DNAAF9: variants seen among roughly 807,000 people sequenced by gnomAD.
DNAAF9 encodes dynein axonemal assembly factor 9, also known as shulin.
DNAAF9 carries 90 observed loss-of-function variants against 167.0 expected under a neutral mutation model. The observed-to-expected ratio is 0.54, with a 90% CI of 0.45 to 0.64. The LOEUF (loss-of-function observed/expected upper bound fraction) is 0.64. Ranked by LOEUF, DNAAF9 falls within the 30% of genes least tolerant of loss-of-function variation. DNAAF9 has a pLI of 0.00. For missense variants in DNAAF9, 1,315 were observed against 1,442.2 expected, an observed-to-expected ratio of 0.91 and a Z score of 1.43; for synonymous variants, 491 against 508.8, an observed-to-expected ratio of 0.96 and a Z score of 0.47.
Position 3,394,942 on chromosome 20 carries a change from C to CTTTTTTTTT in DNAAF9, c.84-12437_84-12436insAAAAAAAAA, listed in dbSNP as rs1258382355. Reference sequence around the variant, plus strand: ...TTCCATGGCTTTTACTGAACATTTTCTTTTTTCTTTTTTTTTTTTTTTTTT... The same window carrying CTTTTTTTTT: ...TTCCATGGCTTTTACTGAACATTTTCTTTTTTTTTTTTTTTCTTTTTTTTTTTTTTTTTT... On this transcript the variant is annotated intron_variant, in intron 1 of 36. Transcript: ENST00000252032. Among the ~76,000 whole-genome samples, 70 of 89,036 alleles carry CTTTTTTTTT rather than the reference C, an allele frequency of 7.9e-4. 13 individuals carry two copies. The highest frequency in any genetic ancestry group is 1.1e-3 in the Non-Finnish European group (49 of 42,870). 58.4% of individuals were successfully genotyped at this position (89,036 alleles called of 152,430 possible). A position where few individuals can be genotyped will look rare whatever the true frequency, so the allele number is the denominator to read the frequency against.
chr20:3,316,224 A>T (rs934658901), intron 18 of DNAAF9: 1 of 195,662 alleles, frequency 5.1e-6, no homozygotes, highest in African/African-American at 2.3e-5. Context: ...GACTCAGCCC[A>T]TTAGCAGACT....
At chr20:3,378,440 T>C (rs540449332) in intron 3 of DNAAF9, among the ~76,000 whole-genome samples, 7 of 152,324 alleles carry the variant, frequency 4.6e-5, no homozygotes, top group East Asian at 3.9e-4. Flanking sequence ...ATTTAAGGAA[T>C]AGTCTTCAAT....
chr20:3,259,307 G>A (rs999701341), intron 33 of DNAAF9, among the ~76,000 whole-genome samples, 173 bp downstream of exon 33: 4 of 152,240 alleles, frequency 2.6e-5, no homozygotes, highest in Non-Finnish European at 5.9e-5. Context: ...GTAGGCCCTT[G>A]GCGGAGAGGG....
At chr20:3,344,006 G>GA (rs935592051) in intron 8 of DNAAF9, among the ~76,000 whole-genome samples, 13 of 151,228 alleles carry the variant, frequency 8.6e-5, no homozygotes, top group African/African-American at 3.2e-4. Context: ...TACCAAAAAA[G>GA]AAAAAAAGAC....
At chr20:3,340,433 T>TGGGGGGGGGGGGG in intron 10 of DNAAF9, 71 bp downstream of exon 10, 1 of 221,214 alleles carries the variant, frequency 4.5e-6, no homozygotes, top group Non-Finnish European at 9.5e-6. Context: ...TTTGTCTAGC[T>TGGGGGGGGGGGGG]CCCCCCACCC....
chr20:3,296,745 G>A, intron 23 of DNAAF9, 116 bp downstream of exon 23: 2 of 711,214 alleles, frequency 2.8e-6, no homozygotes, highest in Non-Finnish European at 2.5e-6. Context: ...TGAAATGTCT[G>A]TGTTGACCCT....
At chr20:3,267,422 A>G (rs577536106) in intron 30 of DNAAF9, among the ~76,000 whole-genome samples, 70 of 152,266 alleles carry the variant, frequency 4.6e-4, no homozygotes, top group Non-Finnish European at 6.8e-4. Flanking sequence ...GAGTCCTGGT[A>G]CCTTGTAGTG....
chr20:3,394,949 CTTTTTTT>C (rs10522445), intron 1 of DNAAF9, among the ~76,000 whole-genome samples: 2 of 102,136 alleles, frequency 2.0e-5, no homozygotes, highest in Admixed American at 1.2e-4. Flanking sequence ...TTTCTTTTTT[CTTTTTTT>C]TTTTTTTTTT....
chr20:3,315,116 T>TC lies in DNAAF9; in HGVS notation c.1594dup (p.Asp532GlyfsTer2). ...TAGATAAGTGCCCAGGAAAGACTCA[T>TC]CCCCCTTTAAAAACAACAACAAAAA... On this transcript the variant is annotated frameshift_variant, in exon 20 of 37. Coordinates refer to ENST00000252032, the MANE Select transcript of DNAAF9 (RefSeq NM_001009984.3). LOFTEE classifies it high-confidence loss of function. This position sits in a 1 kb window ranked among gnomAD's most constrained non-coding sequence, Gnocchi z 4.1. 6.3e-7 allele frequency: 1 copy of TC among 1,595,576 alleles called. No individual in the cohort carries two copies. The highest frequency in any genetic ancestry group is 8.6e-7 in the Non-Finnish European group (1 of 1,163,694).
At chr20:3,358,688 C>T (rs544327697) in intron 7 of DNAAF9, among the ~76,000 whole-genome samples, 1 of 152,302 alleles carries the variant, frequency 6.6e-6, no homozygotes, top group South Asian at 2.1e-4. Flanking sequence ...ATTTTCTCAG[C>T]ATGCCCACTC....
intron 24 of DNAAF9, 37 bp from the exon 25 acceptor site, chr20:3,294,293 C>A: frequency 7.4e-7 from 1 of 1,358,912 alleles, no homozygotes; most frequent in Non-Finnish European, 1.1e-6. Context: ...TGTTACCATC[C>A]TAGCCTGTCC....
At chr20:3,395,494 T>A (rs2083894911) in intron 1 of DNAAF9, among the ~76,000 whole-genome samples, 1 of 152,034 alleles carries the variant, frequency 6.6e-6, no homozygotes, top group African/African-American at 2.4e-5. Flanking sequence ...TTGGCCAGCC[T>A]GCTTTTGAAC....
rs550946571 is a variant in DNAAF9 at position 3,291,589 on chromosome 20, T to C, written c.2239-1372A>G. On this transcript the variant is annotated intron_variant, in intron 25 of 36. Transcript: ENST00000252032. ...CAATCTCTTGACCTCGTGATCCACC[T>C]GCCTCAGCTTCCCAAAGTGCTGGGA... Among the ~76,000 whole-genome samples, 414 of 151,930 alleles carry C rather than the reference T, an allele frequency of 2.7e-3. 3 individuals carry two copies. Among genetic ancestry groups the C allele is most frequent in the African/African-American group, 9.5e-3 (392 of 41,444 alleles).
chr20:3,394,070 GCT>G (rs2083866028), intron 1 of DNAAF9, among the ~76,000 whole-genome samples: 1 of 152,112 alleles, frequency 6.6e-6, no homozygotes, highest in East Asian at 1.9e-4. Flanking sequence ...GGGTGCAGTG[GCT>G]CCCGCCTGTA....
intron 9 of DNAAF9, among the ~76,000 whole-genome samples, chr20:3,342,735 T>C (rs1393369662): frequency 1.3e-5 from 2 of 152,202 alleles, no homozygotes; most frequent in East Asian, 1.9e-4. Flanking sequence ...CCAGGGTACT[T>C]TGTTTCACTA....
At chr20:3,329,526 C>T (rs895801396) in intron 12 of DNAAF9, among the ~76,000 whole-genome samples, 3 of 152,156 alleles carry the variant, frequency 2.0e-5, no homozygotes, top group Non-Finnish European at 2.9e-5. Flanking sequence ...ATCTTAATTT[C>T]GTTTCTCTAA....
chr20:3,275,000 A>G (rs2068654723), intron 29 of DNAAF9, among the ~76,000 whole-genome samples: 1 of 152,168 alleles, frequency 6.6e-6, no homozygotes, highest in African/African-American at 2.4e-5. Context: ...TCTGCAGTGC[A>G]CTCTGGAGGC....
At chr20:3,291,945 G>T (rs574249709) in intron 25 of DNAAF9, among the ~76,000 whole-genome samples, 1 of 151,206 alleles carries the variant, frequency 6.6e-6, no homozygotes. Flanking sequence ...CCCTCAAATC[G>T]CAGCACATGT....
Position 3,340,600 on chromosome 20 carries a change from G to T in DNAAF9, c.885C>A (p.Ser295=). The change falls in exon 10 of 37, where the codon TCC becomes TCA. Residue 295 remains serine, a synonymous_variant. Coordinates refer to ENST00000252032, the MANE Select transcript of DNAAF9 (RefSeq NM_001009984.3). The part of the protein sequence containing the change: ...RQPFVLFGNH[S]TRENLNAGNF... ...TGCCAGCATTCAGGTTTTCTCGTGT[G>T]GAGTGATTACCAAAGAGAACAAATG... The T allele has an allele frequency of 6.2e-7, 1 of 1,613,746 alleles. No homozygotes were observed. The highest frequency in any genetic ancestry group is 8.5e-7 in the Non-Finnish European group (1 of 1,179,702).
Sources: gnomAD v4.1 joint callset for allele counts (sites outside exome capture counted in the v4.1 genomes callset) on GRCh38, gnomAD v4.1.1 for gene constraint, Gnocchi (gnomAD v3.1) non-coding constraint, MANE v1.5 for transcripts, NCBI Gene and HGNC (gene_info 2026-07-23, HGNC 2026-07-21) for gene names.